Variants in HDAC8 observed in about 807,000 individuals in gnomAD.
HDAC8 encodes the protein histone deacetylase-like 1.
In HDAC8, 1 loss-of-function variant was observed where a neutral mutation model predicts 32.2. The ratio of observed to expected loss-of-function variants is 0.03; its 90% CI spans 0.01 to 0.15. The LOEUF (loss-of-function observed/expected upper bound fraction) is 0.15, where lower values mean the gene tolerates loss of function less well. HDAC8 is among the 10% of genes least tolerant of loss of function. The probability of loss-of-function intolerance (pLI) is 1.00; values close to 1 mark genes in which losing one functional copy is unlikely to be tolerated. For synonymous variants in HDAC8, 108 were observed against 113.9 expected, an observed-to-expected ratio of 0.95 and a Z score of 0.33; for missense variants, 117 against 300.0, an observed-to-expected ratio of 0.39 and a Z score of 4.51.
chrX:72,460,061 A>G (rs1687994157), intron 9 of HDAC8, among the ~76,000 whole-genome samples: 1 of 112,348 alleles, frequency 8.9e-6, no homozygotes, highest in Admixed American at 9.5e-5. Flanking sequence ...GTTTGGACAA[A>G]TTTATGAATG....
At chrX:72,402,968 A>G (rs1014787907) in intron 9 of HDAC8, among the ~76,000 whole-genome samples, 3 of 111,517 alleles carry the variant, frequency 2.7e-5, no homozygotes, top group Non-Finnish European at 5.7e-5. Context: ...GCCACTCCAG[A>G]TTTTTATGGT....
chrX:72,380,340 A>G (rs2045234280), intron 9 of HDAC8, among the ~76,000 whole-genome samples: 1 of 112,017 alleles, frequency 8.9e-6, no homozygotes, highest in East Asian at 2.8e-4. Context: ...TGCCTAATAA[A>G]AAAAGCCTTG....
intron 4 of HDAC8, among the ~76,000 whole-genome samples, chrX:72,528,107 C>G (rs2050215412): frequency 1.8e-5 from 2 of 110,843 alleles, no homozygotes; most frequent in Non-Finnish European, 3.8e-5. Flanking sequence ...CTAGGTACAG[C>G]TGGTTGGTCT....
intron 9 of HDAC8, among the ~76,000 whole-genome samples, chrX:72,441,625 T>C (rs2047149884): frequency 9.0e-6 from 1 of 111,409 alleles, no homozygotes; most frequent in African/African-American, 3.3e-5. Context: ...AAAAGCAGAG[T>C]GCCTCTCCTC....
rs781898236 is a variant in HDAC8, at chrX:72,425,755, T to TC, written c.1005+36248dup. On this transcript the variant is annotated intron_variant, in intron 9 of 10. Transcript: ENST00000373573. ...GCAGGTCAACCTCTGCTGCTTCATT[T>TC]CCCCCCCATCCCCTTAGATGCCCCT... Among the ~76,000 whole-genome samples, 7 of 110,977 alleles carry TC rather than the reference T, an allele frequency of 6.3e-5. No individual in the cohort carries two copies. The East Asian group carries it at 8.5e-4, about 14-fold the overall frequency.
At chrX:72,357,547 G>A (rs1453526182) in intron 9 of HDAC8, among the ~76,000 whole-genome samples, 3 of 110,943 alleles carry the variant, frequency 2.7e-5, no homozygotes, top group African/African-American at 9.9e-5. Flanking sequence ...GTAAAAAAGA[G>A]GGAGGCTGAA....
At chrX:72,556,465 G>A (rs782360046) in intron 4 of HDAC8, among the ~76,000 whole-genome samples, 11 of 111,513 alleles carry the variant, frequency 9.9e-5, no homozygotes, top group African/African-American at 3.6e-4. Context: ...ATGGCAGAAT[G>A]GATAAGAATT....
intron 9 of HDAC8, among the ~76,000 whole-genome samples, chrX:72,410,111 T>C (rs1216300469): frequency 9.1e-6 from 1 of 110,300 alleles, no homozygotes; most frequent in East Asian, 2.8e-4. Context: ...AGATTGAAGG[T>C]GTGAGCTAGG....
intron 9 of HDAC8, among the ~76,000 whole-genome samples, chrX:72,384,673 C>A (rs1555960877): frequency 2.7e-5 from 3 of 111,982 alleles, no homozygotes; most frequent in African/African-American, 9.7e-5. Context: ...TACTTTAAAA[C>A]CATTGTATTG....
intron 9 of HDAC8, among the ~76,000 whole-genome samples, chrX:72,412,905 A>T (rs1477675787): frequency 8.9e-6 from 1 of 111,831 alleles, no homozygotes; most frequent in Non-Finnish European, 1.9e-5. Context: ...AAAATATGTG[A>T]GTGTGTCTTC....
chrX:72,330,842 C>T (rs2043497211), intron 10 of HDAC8: 1 of 110,218 alleles, frequency 9.1e-6, no homozygotes, highest in Non-Finnish European at 1.9e-5. Flanking sequence ...AAGTCTTGCA[C>T]AGTGCCTCAC....
intron 10 of HDAC8, among the ~76,000 whole-genome samples, chrX:72,351,076 C>T (rs1309844608): frequency 9.0e-6 from 1 of 111,580 alleles, no homozygotes; most frequent in Non-Finnish European, 1.9e-5. Context: ...AGCCCCCTCC[C>T]CACCCCTGCT....
At chrX:72,471,701 T>C (rs1170731233) in intron 7 of HDAC8, among the ~76,000 whole-genome samples, 1 of 112,090 alleles carries the variant, frequency 8.9e-6, no homozygotes, top group African/African-American at 3.2e-5. Context: ...AACCGGGTTG[T>C]CTTTTTAATA....
At chrX:72,382,255 A>G (rs1274845908) in intron 9 of HDAC8, among the ~76,000 whole-genome samples, 1 of 112,331 alleles carries the variant, frequency 8.9e-6, no homozygotes, top group African/African-American at 3.2e-5. Flanking sequence ...CCAGAAACAC[A>G]AGCTATGAGG....
chrX:72,552,032 C>T (rs1556072875), intron 4 of HDAC8, among the ~76,000 whole-genome samples: 4 of 112,511 alleles, frequency 3.6e-5, no homozygotes, highest in African/African-American at 1.3e-4. Context: ...TCTGACCACA[C>T]TGCATTATAA....
At chrX:72,382,627 A>G (rs1157540831) in intron 9 of HDAC8, among the ~76,000 whole-genome samples, 1 of 112,511 alleles carries the variant, frequency 8.9e-6, no homozygotes, top group Non-Finnish European at 1.9e-5. Context: ...GTTAAATGAA[A>G]GAAGCCAGTG....
At chrX:72,340,630 C>T (rs1199147942) in intron 10 of HDAC8, among the ~76,000 whole-genome samples, 1 of 111,659 alleles carries the variant, frequency 9.0e-6, no homozygotes, top group African/African-American at 3.3e-5. Flanking sequence ...TTGGACGCCA[C>T]CAGAAGGTCA....
Position 72,385,916 on chromosome X carries a change from C to G in HDAC8, c.1006-34078G>C, listed in dbSNP as rs147133619. 7.1e-5 allele frequency among the ~76,000 whole-genome samples: 8 copies of G among 112,117 alleles called. No homozygotes were observed. The East Asian group carries it at 2.0e-3, about 28-fold the overall frequency. On this transcript the variant is annotated intron_variant, in intron 9 of 10. Transcript: ENST00000373573. ...ACCGCCTCTGCCAGGTCCACAGTGT[C>G]TAGTAAAATTGAAAAGGCACAGACC... is the stretch of plus-strand genomic sequence containing the variant.
At chrX:72,565,626 C>T (rs151255071) in intron 4 of HDAC8, among the ~76,000 whole-genome samples, 177 of 111,981 alleles carry the variant, frequency 1.6e-3, no homozygotes, top group African/African-American at 5.4e-3. Flanking sequence ...GACCCAGGCC[C>T]TAGTAGGCCT....
Sources: gnomAD v4.1 joint callset for allele counts (sites outside exome capture counted in the v4.1 genomes callset) on GRCh38, gnomAD v4.1.1 for gene constraint, MANE v1.5 for transcripts, NCBI Gene and HGNC (gene_info 2026-07-23, HGNC 2026-07-21) for gene names.